The following RBFOX1 variants were observed in gnomAD, a reference collection of about 807,000 sequenced individuals.
The protein encoded by RBFOX1 is RNA binding protein fox-1 homolog 1.
A neutral mutation model predicts 57.7 loss-of-function variants in RBFOX1; 8 were observed. That is an observed-to-expected ratio of 0.14 (90% confidence interval 0.08 to 0.25). The LOEUF (loss-of-function observed/expected upper bound fraction) is 0.25, where lower values mean the gene tolerates loss of function less well. Ranked by LOEUF, RBFOX1 falls within the 10% of genes least tolerant of loss-of-function variation. RBFOX1 has a pLI of 1.00. For missense variants in RBFOX1, 611 were observed against 548.5 expected, an observed-to-expected ratio of 1.11 and a Z score of -1.14; for synonymous variants, 326 against 222.4, an observed-to-expected ratio of 1.47 and a Z score of -4.15.
At chr16:7,700,556 G>C (rs945290356) in intron 14 of RBFOX1, among the ~76,000 whole-genome samples, 2 of 152,184 alleles carry the variant, frequency 1.3e-5, no homozygotes, top group Non-Finnish European at 2.9e-5. Context: ...GGGTGCCATG[G>C]TGATTTCAAA....
At chr16:6,826,886 G>T (rs1213095294) in intron 3 of RBFOX1, among the ~76,000 whole-genome samples, 2 of 152,136 alleles carry the variant, frequency 1.3e-5, no homozygotes, top group African/African-American at 2.4e-5. Flanking sequence ...TGATGAATAA[G>T]AAATTTTCCG....
chr16:6,251,155 G>A lies in RBFOX1; in HGVS notation c.-126-65840G>A, dbSNP rs115084549. Among the ~76,000 whole-genome samples, 266 of 152,274 alleles carry A rather than the reference G, an allele frequency of 1.7e-3. 2 individuals carry two copies. Among genetic ancestry groups the A allele is most frequent in the African/African-American group, 5.8e-3 (243 of 41,562 alleles). On this transcript the variant is annotated intron_variant, in intron 1 of 15. Coordinates refer to ENST00000550418, the MANE Select transcript of RBFOX1 (RefSeq NM_018723.4). ...ATTCACTCCTCACAACAACCCTACA[G>A]TAATAATAACACTAGCACTTATTTG... is the stretch of plus-strand genomic sequence containing the variant.
At chr16:7,302,977 A>G (rs55759422) in intron 4 of RBFOX1, among the ~76,000 whole-genome samples, 1,827 of 152,248 alleles carry the variant, frequency 0.012, 40 homozygotes, top group African/African-American at 0.042. Flanking sequence ...AACCATTGTA[A>G]TTTGCTCCCT....
At chr16:6,557,034 CACA>C (rs1567671962) in intron 2 of RBFOX1, among the ~76,000 whole-genome samples, 2,534 of 70,994 alleles carry the variant, frequency 0.036, 92 homozygotes, top group African/African-American at 0.12. Context: ...TACATATATA[CACA>C]TATATATACA....
At chr16:5,273,458 G>A (rs1317825594) in intron 1 of RBFOX1, among the ~76,000 whole-genome samples, 3 of 152,142 alleles carry the variant, frequency 2.0e-5, no homozygotes, top group Admixed American at 2.0e-4. Flanking sequence ...AGAGAGGCTG[G>A]AATTGGGCTT....
intron 4 of RBFOX1, among the ~76,000 whole-genome samples, chr16:7,149,838 C>T (rs1393456543): frequency 2.0e-5 from 3 of 152,160 alleles, no homozygotes; most frequent in Non-Finnish European, 2.9e-5. Flanking sequence ...CCCAAAGGCT[C>T]CCAGTCGGAG....
At chr16:6,143,211 T>C (rs28362010) in intron 1 of RBFOX1, among the ~76,000 whole-genome samples, 4,817 of 152,300 alleles carry the variant, frequency 0.032, 277 homozygotes, top group African/African-American at 0.11. Flanking sequence ...AAAGGAGCTG[T>C]CATTGAGTGC....
intron 2 of RBFOX1, among the ~76,000 whole-genome samples, chr16:6,449,973 A>G (rs894016010): frequency 2.0e-5 from 3 of 152,168 alleles, no homozygotes; most frequent in Admixed American, 6.5e-5. Context: ...GTGTGCATGG[A>G]GTGGATTGCG....
chr16:7,544,137 C>G (rs974368820), intron 5 of RBFOX1, among the ~76,000 whole-genome samples: 9 of 152,170 alleles, frequency 5.9e-5, no homozygotes, highest in African/African-American at 2.2e-4. Flanking sequence ...GAATTGAAAC[C>G]AACGCTTACT....
At chr16:6,858,471 C>G (rs1452039523) in intron 3 of RBFOX1, among the ~76,000 whole-genome samples, 2 of 152,124 alleles carry the variant, frequency 1.3e-5, no homozygotes, top group East Asian at 1.9e-4. Context: ...AGGCATAGCA[C>G]TTTGGTTTCC....
chr16:5,345,935 C>G (rs866483233), intron 1 of RBFOX1, among the ~76,000 whole-genome samples: 3 of 152,204 alleles, frequency 2.0e-5, no homozygotes, highest in African/African-American at 7.2e-5. Context: ...AGAAACCCTG[C>G]TAATTATGCC....
chr16:7,279,510 C>T (rs2095502024), intron 4 of RBFOX1, among the ~76,000 whole-genome samples: 1 of 152,154 alleles, frequency 6.6e-6, no homozygotes. Flanking sequence ...CCACGGAAAC[C>T]AGCCCTGTCC....
intron 3 of RBFOX1, among the ~76,000 whole-genome samples, chr16:5,784,879 G>C (rs995795411): frequency 2.0e-5 from 3 of 152,110 alleles, no homozygotes; most frequent in African/African-American, 7.2e-5. Flanking sequence ...CCGGTGCGTT[G>C]ATCTTGGATT....
intron 1 of RBFOX1, among the ~76,000 whole-genome samples, chr16:6,308,985 G>A (rs1396393810): frequency 1.3e-5 from 2 of 152,018 alleles, no homozygotes; most frequent in African/African-American, 4.8e-5. Context: ...ATACCTTGAT[G>A]ATATTTCCCA....
At chr16:5,272,203 T>C (rs542626708) in intron 1 of RBFOX1, among the ~76,000 whole-genome samples, 1 of 152,212 alleles carries the variant, frequency 6.6e-6, no homozygotes, top group Non-Finnish European at 1.5e-5. Flanking sequence ...TCAAAATAAC[T>C]AAGAGGGTAC....
rs528956390 is a variant in RBFOX1, at chr16:5,767,556, C to A, written c.319-99747C>A. On this transcript the variant is annotated intron_variant, in intron 3 of 19. Coordinates refer to the RBFOX1 transcript ENST00000641259. ...AATAGACCTGTCCCTACGAACCCTG[C>A]GTGAGTTTCCAAGCTCACACACATC... Among the ~76,000 whole-genome samples, 3 of 152,266 alleles carry A rather than the reference C, an allele frequency of 2.0e-5. No individual in the cohort carries two copies. The South Asian group carries it at 6.2e-4, about 32-fold the overall frequency.
chr16:6,074,729 G>T (rs1208758218), intron 1 of RBFOX1, among the ~76,000 whole-genome samples: 1 of 152,162 alleles, frequency 6.6e-6, no homozygotes, highest in African/African-American at 2.4e-5. Context: ...GAACTAACAA[G>T]GTTCTTGCTA....
At chr16:5,761,402 A>G (rs2053583923) in intron 3 of RBFOX1, among the ~76,000 whole-genome samples, 1 of 152,190 alleles carries the variant, frequency 6.6e-6, no homozygotes, top group South Asian at 2.1e-4. Flanking sequence ...GAGTCTTTGT[A>G]TTAGCTGTTC....
At chr16:6,784,292 C>T (rs2081536304) in intron 3 of RBFOX1, among the ~76,000 whole-genome samples, 1 of 151,988 alleles carries the variant, frequency 6.6e-6, no homozygotes, top group South Asian at 2.1e-4. Flanking sequence ...TTACAGGCAT[C>T]TTTTGTTCTT....
Sources: allele counts gnomAD v4.1 joint callset (sites outside exome capture counted in the v4.1 genomes callset), GRCh38; gene constraint gnomAD v4.1.1; transcripts MANE v1.5; gene names NCBI Gene and HGNC (gene_info 2026-07-23, HGNC 2026-07-21).